ARHGAP39: variants seen among roughly 807,000 people sequenced by gnomAD.
ARHGAP39 encodes the protein rho GTPase-activating protein 39.
ARHGAP39 carries 44 observed loss-of-function variants against 106.9 expected under a neutral mutation model. That is an observed-to-expected ratio of 0.41 (90% CI 0.32 to 0.53). The LOEUF is 0.53. ARHGAP39 is among the 20% of genes least tolerant of loss of function. The probability of loss-of-function intolerance (pLI) is 0.21; values close to 1 mark genes in which losing one functional copy is unlikely to be tolerated. For synonymous variants in ARHGAP39, 768 were observed against 693.2 expected (o/e 1.11, Z -1.69); for missense variants, 1,496 against 1,577.3 (o/e 0.95, Z 0.87).
chr8:144,620,947 C>A (rs897784568), intron 1 of ARHGAP39, among the ~76,000 whole-genome samples: 4 of 152,262 alleles, frequency 2.6e-5, no homozygotes, highest in Non-Finnish European at 5.9e-5. Context: ...AACTGGAAAA[C>A]GCCAGGCACA....
At chr8:144,530,914 A>C in intron 10 of ARHGAP39, 43 bp from the exon 11 acceptor site, 1 of 1,575,928 alleles carries the variant, frequency 6.3e-7, no homozygotes, top group African/African-American at 1.3e-5. Context: ...CTCGGCGGGC[A>C]CCCCTGGGCC....
intron 1 of ARHGAP39, among the ~76,000 whole-genome samples, chr8:144,654,512 T>G (rs1030103435): frequency 6.6e-6 from 1 of 152,148 alleles, no homozygotes. Context: ...AAAAAAACTT[T>G]TTCCAAATTT....
rs760703151 is a variant in ARHGAP39, at chr8:144,548,202, G to A, written c.884C>T (p.Pro295Leu). Residue 295 changes from proline (P) to leucine (L), a missense_variant, in exon 5 of 12, where the codon CCC becomes CTC. Transcript: ENST00000377307. The surrounding 1 kb of genome is among the most constrained non-coding windows in gnomAD (Gnocchi z 7.4). ...GGAGGAGGGCTGCGAGTCCCCGGAG[G>A]GCTTTCGGGGCTGGGCCAGCAGCGG... is the stretch of plus-strand genomic sequence containing the variant. ...SSPLLAQPRKPSGDSQPSSPR... is the reference protein window; with the variant it reads ...SSPLLAQPRKLSGDSQPSSPR... 9 of 1,593,120 alleles carry A rather than the reference G, an allele frequency of 5.6e-6. No homozygotes were observed. The African/African-American group carries it at 1.2e-4, about 21-fold the overall frequency.
chr8:144,578,252 A>T (rs1247543520), intron 3 of ARHGAP39, among the ~76,000 whole-genome samples: 1 of 152,200 alleles, frequency 6.6e-6, no homozygotes, highest in African/African-American at 2.4e-5. Context: ...TTTTTGAGAC[A>T]AAGTCTTGCT....
chr8:144,687,970 A>C (rs868615459), upstream of ARHGAP39, among the ~76,000 whole-genome samples: 1,044 of 52,564 alleles, frequency 0.02, 37 homozygotes, highest in Admixed American at 0.093. Flanking sequence ...GCACTTCCCA[A>C]CCCCGTGACC....
chr8:144,559,999 G>C (rs1043885110), intron 3 of ARHGAP39, among the ~76,000 whole-genome samples: 10 of 152,190 alleles, frequency 6.6e-5, no homozygotes. Context: ...TTGTGTGCTT[G>C]GCCTGTGGTA....
chr8:144,577,038 C>T (rs746449954), intron 3 of ARHGAP39, among the ~76,000 whole-genome samples: 4 of 152,162 alleles, frequency 2.6e-5, no homozygotes, highest in Non-Finnish European at 4.4e-5. Flanking sequence ...GTACACGCCA[C>T]GAATGTCTTT....
rs1288708934 is a variant in ARHGAP39, at chr8:144,602,616, CTG to C, written c.80+2917_80+2918del. 3.0e-4 allele frequency among the ~76,000 whole-genome samples: 22 copies of C among 73,444 alleles called. No homozygotes were observed. In the South Asian group the frequency reaches 5.2e-3, roughly 17 times the overall value. The allele number at this position is 73,444 out of a possible 152,430, so 48.2% of individuals were successfully genotyped here. ...GAGGTGTGTGTGCGAGCTCATGTAC[CTG>C]TGTGTGCGTGGAGGCGTGTGTGTGC... is the stretch of plus-strand genomic sequence containing the variant. On this transcript the variant is annotated intron_variant, in intron 2 of 11. Transcript: ENST00000377307.
intron 3 of ARHGAP39, among the ~76,000 whole-genome samples, chr8:144,556,871 G>C (rs1817943049): frequency 1.4e-5 from 1 of 73,172 alleles, no homozygotes; most frequent in Non-Finnish European, 2.3e-5. Context: ...ATAGTATTCA[G>C]AGGCAAAAGG....
chr8:144,661,745 C>G (rs1014214710), intron 1 of ARHGAP39, among the ~76,000 whole-genome samples: 4 of 151,996 alleles, frequency 2.6e-5, no homozygotes, highest in Non-Finnish European at 5.9e-5. Flanking sequence ...GGTGTGATCA[C>G]AGCTCACTGC....
chr8:144,533,613 C>A (rs1376556097), intron 8 of ARHGAP39, among the ~76,000 whole-genome samples: 1 of 152,202 alleles, frequency 6.6e-6, no homozygotes, highest in East Asian at 1.9e-4. Flanking sequence ...AGCCCAGCTC[C>A]CTGGCCAGAG....
At chr8:144,598,528 A>G (rs972284394) in intron 2 of ARHGAP39, among the ~76,000 whole-genome samples, 6 of 152,214 alleles carry the variant, frequency 3.9e-5, no homozygotes, top group Non-Finnish European at 7.3e-5. Context: ...GGCATGAGAG[A>G]AGGCACAGTG....
rs148890297 is a variant in ARHGAP39, at chr8:144,674,520, C to T, written c.-82+11166G>A. 1.6e-3 allele frequency among the ~76,000 whole-genome samples: 245 copies of T among 152,200 alleles called. 1 individual carries two copies. Among genetic ancestry groups the T allele is most frequent in the African/African-American group, 5.7e-3 (237 of 41,514 alleles). On this transcript the variant is annotated intron_variant, in intron 1 of 11. Transcript: ENST00000377307. ...GGTTCACGGGTGGCCATGGGCAGGC[C>T]CAGAAAAAGCACCATAAACTCTTAC...
chr8:144,675,790 G>A (rs1275873360), intron 1 of ARHGAP39, among the ~76,000 whole-genome samples: 2 of 152,088 alleles, frequency 1.3e-5, no homozygotes, highest in African/African-American at 4.8e-5. Context: ...CCTCAGGAGT[G>A]AAGCTGCAGA....
chr8:144,627,013 C>CA (rs1820936416), intron 1 of ARHGAP39, among the ~76,000 whole-genome samples: 2 of 152,330 alleles, frequency 1.3e-5, no homozygotes, highest in South Asian at 4.1e-4. Context: ...GATCCCCCCG[C>CA]AAAAACACCA....
chr8:144,687,577 TCCCACCCCGTGACC>T (rs1822644071), upstream of ARHGAP39, among the ~76,000 whole-genome samples: 1 of 39,672 alleles, frequency 2.5e-5, no homozygotes, highest in African/African-American at 1.5e-4. Flanking sequence ...GGTGAGCAGT[TCCCACCCCGTGACC>T]ACACACTGGC....
At chr8:144,538,109 CAGG>C (rs1332400524) in intron 6 of ARHGAP39, among the ~76,000 whole-genome samples, 2 of 152,218 alleles carry the variant, frequency 1.3e-5, no homozygotes, top group African/African-American at 2.4e-5. Flanking sequence ...GCCTGGGGAG[CAGG>C]AGGAGAGCAG....
At chr8:144,635,017 G>C (rs140893282) in intron 1 of ARHGAP39, among the ~76,000 whole-genome samples, 1 of 152,230 alleles carries the variant, frequency 6.6e-6, no homozygotes, top group South Asian at 2.1e-4. Flanking sequence ...AAACATTCTC[G>C]AATCCCTAAT....
At chr8:144,533,988 C>A in intron 8 of ARHGAP39, 141 bp downstream of exon 8, 2 of 947,038 alleles carry the variant, frequency 2.1e-6, no homozygotes, top group Non-Finnish European at 3.2e-6. Context: ...TAGCGTACCC[C>A]GCCACCCGCC....
Sources: gnomAD v4.1 joint callset for allele counts (sites outside exome capture counted in the v4.1 genomes callset) on GRCh38, gnomAD v4.1.1 for gene constraint, Gnocchi (gnomAD v3.1) non-coding constraint, MANE v1.5 for transcripts, NCBI Gene and HGNC (gene_info 2026-07-23, HGNC 2026-07-21) for gene names.